Variants in SLC17A5 observed in about 807,000 individuals in gnomAD.
The protein encoded by SLC17A5 is sialin.
In SLC17A5, 47 loss-of-function variants were observed where a neutral mutation model predicts 59.4. That is an observed-to-expected ratio of 0.79 (90% confidence interval 0.63 to 1.01). The LOEUF is 1.01. Ranked by LOEUF, SLC17A5 falls within the 50% of genes least tolerant of loss-of-function variation. The pLI is 0.00. For synonymous variants in SLC17A5, 202 were observed against 210.7 expected, an observed-to-expected ratio of 0.96 and a Z score of 0.36; for missense variants, 522 against 595.5, an observed-to-expected ratio of 0.88 and a Z score of 1.28.
chr6:73,600,508 C>CA, intron 9 of SLC17A5, 67 bp from the exon 10 acceptor site: 1 of 793,040 alleles, frequency 1.3e-6, no homozygotes, highest in Non-Finnish European at 1.9e-6. Context: ...TTCTTTCCTT[C>CA]TTTTTTTTTT....
intron 6 of SLC17A5, among the ~76,000 whole-genome samples, chr6:73,631,061 A>G (rs1403848611): frequency 6.6e-6 from 1 of 151,180 alleles, no homozygotes; most frequent in Admixed American, 6.6e-5. Flanking sequence ...GAAAAAAAAA[A>G]AAAAAGAAAA....
rs917525065 is a variant in SLC17A5 at position 73,622,045 on chromosome 6, G to T, written c.820-83C>A. On this transcript the variant is annotated intron_variant, in intron 6 of 10. Transcript: ENST00000355773. ...ACCGTATCAGCTAAAACTCTATCCA[G>T]AATTCATACAGAATATCACCTTAAT... 10 of 1,353,120 alleles carry T rather than the reference G, an allele frequency of 7.4e-6. No homozygotes were observed. The Admixed American group carries it at 1.4e-4, about 18-fold the overall frequency. The allele number at this position is 1,353,120 out of a possible 1,614,324, so 83.8% of individuals were successfully genotyped here.
chr6:73,623,483 C>T (rs755710554), intron 6 of SLC17A5, among the ~76,000 whole-genome samples: 3 of 151,484 alleles, frequency 2.0e-5, no homozygotes, highest in Non-Finnish European at 4.4e-5. Flanking sequence ...TACAGGTGTG[C>T]ACCACCACAT....
chr6:73,618,666 A>C, intron 7 of SLC17A5: 1 of 303,068 alleles, frequency 3.3e-6, no homozygotes, highest in Non-Finnish European at 6.4e-6. Context: ...GATTTAAAAA[A>C]ATGAGAGATA....
chr6:73,648,562 C>G (rs653153), intron 1 of SLC17A5, among the ~76,000 whole-genome samples: 1,758 of 152,242 alleles, frequency 0.012, 42 homozygotes, highest in African/African-American at 0.04. Context: ...ATGTAGAGAC[C>G]ACCATCTACC....
intron 9 of SLC17A5, among the ~76,000 whole-genome samples, chr6:73,602,205 C>T (rs1160374914): frequency 1.3e-5 from 2 of 149,826 alleles, no homozygotes; most frequent in Admixed American, 1.3e-4. Context: ...AAGGGCGGTG[C>T]AAGATGTGCT....
intron 6 of SLC17A5, among the ~76,000 whole-genome samples, chr6:73,625,311 C>T (rs59383274): frequency 0.22 from 33,335 of 152,000 alleles, 3,855 homozygotes; most frequent in Non-Finnish European, 0.25. Flanking sequence ...CTCAGCCTCC[C>T]GAGTAGCTGG....
At position 73,642,285 on chromosome 6, in the gene SLC17A5, C is replaced by T. The variant is rs567543100; in HGVS notation, c.292-361G>A. Among the ~76,000 whole-genome samples, 14 of 152,258 alleles carry T rather than the reference C, an allele frequency of 9.2e-5. No individual in the cohort carries two copies. In the East Asian group the frequency reaches 2.3e-3, roughly 25 times the overall value. ...ATGGCTCGGGAGGCTGCCGCCCCCC[C>T]GGCCCTGCCTCCCCCTCCCAAAAAA... On this transcript the variant is annotated intron_variant, in intron 2 of 10. Transcript: ENST00000355773.
At chr6:73,638,054 T>A (rs1471507277) in intron 4 of SLC17A5, among the ~76,000 whole-genome samples, 4 of 152,034 alleles carry the variant, frequency 2.6e-5, no homozygotes, top group Non-Finnish European at 5.9e-5. Context: ...TACTGGCCTT[T>A]TTTTTTCTTT....
chr6:73,620,665 T>C (rs73754640), intron 7 of SLC17A5, among the ~76,000 whole-genome samples: 3,901 of 152,128 alleles, frequency 0.026, 157 homozygotes, highest in African/African-American at 0.089. Context: ...ACTTTAATAG[T>C]TTTTAAAGCA....
intron 5 of SLC17A5, among the ~76,000 whole-genome samples, chr6:73,635,864 C>T (rs925452253): frequency 6.6e-6 from 1 of 152,060 alleles, no homozygotes; most frequent in Non-Finnish European, 1.5e-5. Flanking sequence ...TCTCAGCCTC[C>T]TGAGTAGCTG....
At chr6:73,635,958 C>T (rs1768973513) in intron 5 of SLC17A5, among the ~76,000 whole-genome samples, 2 of 151,972 alleles carry the variant, frequency 1.3e-5, no homozygotes, top group South Asian at 4.1e-4. Flanking sequence ...CCAGGCTGGT[C>T]TTGAACTCCT....
At chr6:73,627,139 T>C (rs1768460227) in intron 6 of SLC17A5, among the ~76,000 whole-genome samples, 1 of 150,348 alleles carries the variant, frequency 6.7e-6, no homozygotes, top group African/African-American at 2.5e-5. Context: ...TGCAGTGTCG[T>C]GATCTCGGCT....
intron 6 of SLC17A5, among the ~76,000 whole-genome samples, chr6:73,623,758 C>T (rs925154150): frequency 2.7e-5 from 4 of 150,634 alleles, no homozygotes; most frequent in Non-Finnish European, 5.9e-5. Context: ...ATTGCAGTGG[C>T]GCGATTTCGG....
At chr6:73,623,153 C>T (rs907752682) in intron 6 of SLC17A5, among the ~76,000 whole-genome samples, 7 of 151,666 alleles carry the variant, frequency 4.6e-5, no homozygotes, top group Non-Finnish European at 7.4e-5. Context: ...ATTCTCCTGC[C>T]TCAGCCTCAC....
chr6:73,641,734 A>C lies in SLC17A5; in HGVS notation c.482T>G (p.Val161Gly), dbSNP rs1473088499. 6 of 1,614,002 alleles carry C rather than the reference A, an allele frequency of 3.7e-6. No individual in the cohort carries two copies. Among genetic ancestry groups the C allele is most frequent in the African/African-American group, 2.7e-5 (2 of 74,924 alleles). Reference protein sequence around the residue: ...LFTPIAADLGVGPLIVLRALE... With the variant: ...LFTPIAADLGGGPLIVLRALE... The stretch of plus-strand genomic sequence containing the variant: ...TGCTCTGAGTACAATGAGTGGTCCA[A>C]CTCCTAAATCTGCAGCAATGGGAGT... Residue 161 changes from valine (V) to glycine (G), a missense_variant, in exon 3 of 11, where the codon GTT becomes GGT. Physicochemically the swap from Val to Gly is moderately radical, Grantham distance 109. This residue lies in a region of SLC17A5 where 338 missense variants were observed against 363.8 expected (regional missense o/e 0.93). Transcript: ENST00000355773.
chr6:73,624,949 G>C (rs1402018345), intron 6 of SLC17A5, among the ~76,000 whole-genome samples: 1 of 152,090 alleles, frequency 6.6e-6, no homozygotes, highest in African/African-American at 2.4e-5. Flanking sequence ...GATCAAGAAA[G>C]CTTGGATACC....
rs1261594853 is a variant in SLC17A5, at chr6:73,616,579, A to ACACG, written c.979-1133_979-1132insCGTG. 2.1e-4 allele frequency among the ~76,000 whole-genome samples: 15 copies of ACACG among 70,454 alleles called. No homozygotes were observed. The East Asian group carries it at 4.0e-3, about 19-fold the overall frequency. 46.2% of individuals were successfully genotyped at this position (70,454 alleles called of 152,430 possible). A position where few individuals can be genotyped will look rare whatever the true frequency, so the allele number is the denominator to read the frequency against. On this transcript the variant is annotated intron_variant, in intron 7 of 10. Transcript: ENST00000355773. ...CACACACACACACACACACACACAC[A>ACACG]CGTTTATTTTTAACAGAACTGGAGA...
chr6:73,641,607 T>G, intron 3 of SLC17A5, 84 bp downstream of exon 3: 1 of 1,055,912 alleles, frequency 9.5e-7, no homozygotes, highest in Admixed American at 2.2e-5. Flanking sequence ...TTTTGGTTCA[T>G]ATTCATACCA....
Sources: allele counts gnomAD v4.1 joint callset (sites outside exome capture counted in the v4.1 genomes callset), GRCh38; gene constraint gnomAD v4.1.1; regional missense constraint gnomAD v4.1.1; transcripts MANE v1.5; gene names NCBI Gene and HGNC (gene_info 2026-07-23, HGNC 2026-07-21).